The following MOV10L1 variants were observed in gnomAD, a reference collection of about 807,000 sequenced individuals.
MOV10L1 encodes the protein RNA helicase Mov10l1.
A neutral mutation model predicts 143.8 loss-of-function variants in MOV10L1; 110 were observed. The ratio of observed to expected loss-of-function variants is 0.76; its 90% CI spans 0.66 to 0.90. The LOEUF is 0.90. MOV10L1 is among the 40% of genes least tolerant of loss of function. The pLI, the probability that MOV10L1 is intolerant of heterozygous loss-of-function variation, is 0.00. For missense variants in MOV10L1, 1,406 were observed against 1,526.8 expected (o/e 0.92, Z 1.32); for synonymous variants, 593 against 581.1 (o/e 1.02, Z -0.29).
intron 9 of MOV10L1, among the ~76,000 whole-genome samples, chr22:50,118,863 G>A (rs1449467481): frequency 2.6e-5 from 4 of 152,136 alleles, no homozygotes; most frequent in Non-Finnish European, 4.4e-5. Context: ...GAGACTCAGC[G>A]CTGGAGTTGT....
chr22:50,131,466 A>C (rs1466559864), intron 13 of MOV10L1, among the ~76,000 whole-genome samples: 1 of 152,152 alleles, frequency 6.6e-6, no homozygotes, highest in Non-Finnish European at 1.5e-5. Context: ...CCAGTTTATG[A>C]ATGTTTTCTT....
intron 22 of MOV10L1, among the ~76,000 whole-genome samples, chr22:50,157,794 C>G (rs1011922204): frequency 6.7e-6 from 1 of 148,176 alleles, no homozygotes; most frequent in East Asian, 2.0e-4. Flanking sequence ...TCAGAAATAC[C>G]AGCCAGCCCT....
intron 2 of MOV10L1, chr22:50,095,092 A>T (rs1182782030): frequency 6.6e-6 from 1 of 152,218 alleles, no homozygotes; most frequent in South Asian, 2.1e-4. Flanking sequence ...TTCAAGTGCT[A>T]ACTGAAGCCT....
At chr22:50,106,592 T>G (rs962230979) in intron 3 of MOV10L1, among the ~76,000 whole-genome samples, 1 of 152,068 alleles carries the variant, frequency 6.6e-6, no homozygotes, top group Admixed American at 6.5e-5. Flanking sequence ...GAATAAAAAT[T>G]GGCAAAATTC....
At chr22:50,138,172 T>G (rs1333597063) in intron 15 of MOV10L1, among the ~76,000 whole-genome samples, 3 of 152,140 alleles carry the variant, frequency 2.0e-5, no homozygotes, top group Admixed American at 6.6e-5. Context: ...TGTTCTTTGC[T>G]TGTAAGATCA....
rs745731029 is a variant in MOV10L1 at position 50,153,082 on chromosome 22, C to T, written c.2930C>T (p.Ala977Val). 7 of 1,612,190 alleles carry T rather than the reference C, an allele frequency of 4.3e-6. No individual in the cohort carries two copies. Among genetic ancestry groups the T allele is most frequent in the Admixed American group, 1.7e-5 (1 of 59,960 alleles). ...GTGAAGAACTACCGGTCCCACGAGG[C>T]CCTGCTGATGCTGCCCTCACGGCTG... ...KLVKNYRSHE[A>V]LLMLPSRLFY... The change falls in exon 22 of 27, where the codon GCC becomes GTC. Residue 977 changes from alanine (A) to valine (V), a missense_variant. Transcript: ENST00000262794.
intron 10 of MOV10L1, among the ~76,000 whole-genome samples, chr22:50,125,079 C>T (rs1355352458): frequency 6.6e-6 from 1 of 152,230 alleles, no homozygotes; most frequent in Non-Finnish European, 1.5e-5. Flanking sequence ...CAAATTCTGC[C>T]TTCCCAGAAT....
Position 50,144,881 on chromosome 22 carries a change from T to A in MOV10L1, c.2505+638T>A, listed in dbSNP as rs1602322415. 3.9e-5 allele frequency among the ~76,000 whole-genome samples: 6 copies of A among 152,268 alleles called. 1 individual carries two copies. ...CAGGCGTGAGCCACCGTGCCCGGCC[T>A]GGTTTGGTTTTAAGTATTCCTTTAA... On this transcript the variant is annotated intron_variant, in intron 18 of 26. Transcript: ENST00000262794.
intron 19 of MOV10L1, chr22:50,149,273 G>T (rs2063231621): frequency 7.7e-6 from 2 of 258,706 alleles, no homozygotes; most frequent in Non-Finnish European, 1.5e-5. Flanking sequence ...GGAGTGAGAC[G>T]CAGGTGGAGA....
At chr22:50,161,183 C>T (rs981586661) in intron 26 of MOV10L1, 128 bp downstream of exon 26, 20 of 1,101,134 alleles carry the variant, frequency 1.8e-5, no homozygotes, top group Non-Finnish European at 1.3e-5. Context: ...CGGCCACCGT[C>T]CTCACCTCAT....
chr22:50,136,989 G>A (rs767712627), intron 15 of MOV10L1, among the ~76,000 whole-genome samples: 7 of 152,104 alleles, frequency 4.6e-5, no homozygotes, highest in Non-Finnish European at 1.0e-4. Flanking sequence ...AGGCTGCTCC[G>A]GCCCAGACTG....
In MOV10L1 at chr22:50,092,015, A is replaced by G; in HGVS notation, c.112A>G (p.Lys38Glu). 1 of 1,613,656 alleles carries G rather than the reference A, an allele frequency of 6.2e-7. No individual in the cohort carries two copies. Among genetic ancestry groups the G allele is most frequent in the Non-Finnish European group, 8.5e-7 (1 of 1,179,834 alleles). ...ACCTACCTCAGGTGACACTAAGCTGAAAACTGTACGGGGTGTCGTGACAAG... is the reference window on the plus strand; with the variant it reads ...ACCTACCTCAGGTGACACTAAGCTGGAAACTGTACGGGGTGTCGTGACAAG... ...PELAEGDTKLKTVRGVVTRYC... is the reference protein window; with the variant it reads ...PELAEGDTKLETVRGVVTRYC... The change falls in exon 2 of 27, where the codon AAA becomes GAA. Residue 38 changes from lysine to glutamate, a missense_variant. By Grantham distance (56) the Lys-to-Glu change is moderately conservative. This residue lies in a region of MOV10L1 where 166 missense variants were observed against 153.9 expected (regional missense o/e 1.08). Transcript: ENST00000262794.
At chr22:50,104,107 T>C (rs2061811184) in intron 3 of MOV10L1, among the ~76,000 whole-genome samples, 1 of 152,098 alleles carries the variant, frequency 6.6e-6, no homozygotes, top group African/African-American at 2.4e-5. Flanking sequence ...CCTAGATCCC[T>C]CGCATGCACG....
chr22:50,144,244 G>A lies in MOV10L1; in HGVS notation c.2505+1G>A. On this transcript the variant is annotated splice_donor_variant, in intron 18 of 26. Transcript: ENST00000262794. LOFTEE classifies it high-confidence loss of function. ...GAACGCCACCTGCAGGTTCGAGGAG[G>A]TGAGCCCTTGGTGCAAGCAGTGGGG... The A allele has an allele frequency of 6.3e-7, 1 of 1,596,358 alleles. No individual in the cohort carries two copies. The highest frequency in any genetic ancestry group is 8.6e-7 in the Non-Finnish European group (1 of 1,167,164).
intron 5 of MOV10L1, among the ~76,000 whole-genome samples, chr22:50,110,617 A>T (rs908922263): frequency 6.6e-6 from 1 of 151,952 alleles, no homozygotes; most frequent in Admixed American, 6.6e-5. Context: ...AATGCATTGG[A>T]TGTAGTTGGT....
intron 12 of MOV10L1, 130 bp from the exon 13 acceptor site, chr22:50,128,286 C>A (rs1602251043): frequency 3.3e-6 from 2 of 613,188 alleles, no homozygotes; most frequent in African/African-American, 1.9e-5. Flanking sequence ...ATGATTTAAT[C>A]CTTTTCAACT....
intron 19 of MOV10L1, chr22:50,147,226 A>C: frequency 1.3e-6 from 1 of 790,182 alleles, no homozygotes; most frequent in Non-Finnish European, 2.1e-6. Flanking sequence ...AGGGTGCTGC[A>C]GGCCGCTCTC....
chr22:50,090,480 C>A, intron 1 of MOV10L1: 4 of 1,610,310 alleles, frequency 2.5e-6, no homozygotes, highest in Non-Finnish European at 3.4e-6. Flanking sequence ...CTCTCCATGT[C>A]GTTCCTCCCT....
chr22:50,147,558 C>T (rs573510682), intron 19 of MOV10L1, among the ~76,000 whole-genome samples: 1 of 142,536 alleles, frequency 7.0e-6, no homozygotes, highest in South Asian at 2.3e-4. Flanking sequence ...AGGGAGGGTG[C>T]TGCAGGCCGC....
Sources: allele counts gnomAD v4.1 joint callset (sites outside exome capture counted in the v4.1 genomes callset), GRCh38; gene constraint gnomAD v4.1.1; regional missense constraint gnomAD v4.1.1; transcripts MANE v1.5; gene names NCBI Gene and HGNC (gene_info 2026-07-23, HGNC 2026-07-21).